WNT2B: variants seen among roughly 807,000 people sequenced by gnomAD.
The protein encoded by WNT2B is Wnt family member 2B.
In WNT2B, 19 loss-of-function variants were observed where a neutral mutation model predicts 40.5. That is an observed-to-expected ratio of 0.47 (90% CI 0.33 to 0.69). The LOEUF (loss-of-function observed/expected upper bound fraction) is 0.69. Among genes scored for constraint, WNT2B ranks in the 30% least tolerant of loss-of-function variants. The probability of loss-of-function intolerance (pLI) is 0.02; values close to 1 mark genes in which losing one functional copy is unlikely to be tolerated. For synonymous variants in WNT2B, 220 were observed against 211.9 expected, an observed-to-expected ratio of 1.04 and a Z score of -0.33; for missense variants, 467 against 556.4, an observed-to-expected ratio of 0.84 and a Z score of 1.62.
intron 1 of WNT2B, among the ~76,000 whole-genome samples, chr1:112,474,191 G>T (rs1475099781): frequency 1.3e-5 from 2 of 152,196 alleles, no homozygotes; most frequent in East Asian, 1.9e-4. Context: ...TGTCGCCCAG[G>T]CTGGAGTGTG....
chr1:112,491,066 AC>A, intron 1 of WNT2B: 3 of 1,614,100 alleles, frequency 1.9e-6, no homozygotes, highest in Non-Finnish European at 1.7e-6. Flanking sequence ...TCAGCGTTCA[AC>A]AAGTGTTTGC....
chr1:112,504,903 A>AG (rs1652066089), upstream of WNT2B, among the ~76,000 whole-genome samples: 1 of 152,158 alleles, frequency 6.6e-6, no homozygotes, highest in South Asian at 2.1e-4. Flanking sequence ...AGGATAGAGC[A>AG]GGGTGGGGTA....
At position 112,517,233 on chromosome 1, in the gene WNT2B, T is replaced by C. The variant is rs764427828; in HGVS notation, c.794T>C (p.Leu265Pro). The C allele has an allele frequency of 6.2e-7, 1 of 1,614,162 alleles. No homozygotes were observed. Among genetic ancestry groups the C allele is most frequent in the Non-Finnish European group, 8.5e-7 (1 of 1,180,034 alleles). Residue 265 changes from leucine (L) to proline (P), a missense_variant, in exon 4 of 5, where the codon CTG becomes CCG. Leu to Pro is a moderately conservative substitution (Grantham distance 98). This residue lies in a region of WNT2B where 330 missense variants were observed against 438.6 expected (regional missense o/e 0.75). Transcript: ENST00000369684. ...GATTTCCGCCGCACAGGTGATTACC[T>C]GCGGCGACGCTATGATGGGGCTGTG... ...LSDFRRTGDY[L>P]RRRYDGAVQV...
chr1:112,499,752 G>T (rs1651889018), intron 1 of WNT2B, among the ~76,000 whole-genome samples: 1 of 152,150 alleles, frequency 6.6e-6, no homozygotes. Context: ...GCTATGCAGG[G>T]GTGAAGGTAT....
rs527708293 is a variant in WNT2B at position 112,516,281 on chromosome 1, A to T, written c.545A>T (p.Asp182Val). Residue 182 changes from aspartate (D) to valine (V), a missense_variant, in exon 3 of 5, where the codon GAC (aspartate) becomes GTC (valine). Asp to Val is a radical substitution (Grantham distance 152, BLOSUM62 -3). Coordinates refer to ENST00000369684, the MANE Select transcript of WNT2B (RefSeq NM_024494.3). ...GGCCGACACCATGACCAGCGTGGGG[A>T]CTTTGACTGGGGTGGCTGCAGTGAC... is the stretch of plus-strand genomic sequence containing the variant. ...TRGRHHDQRG[D>V]FDWGGCSDNI... The T allele has an allele frequency of 5.5e-5, 89 of 1,613,820 alleles. No individual in the cohort carries two copies. The South Asian group carries it at 9.4e-4, about 17-fold the overall frequency.
Position 112,527,337 on chromosome 1 carries a change from CAG to C in WNT2B, c.*6830_*6831del, listed in dbSNP as rs1349590202. The C allele has an allele frequency of 6.6e-6, 1 of 152,504 alleles. No individual in the cohort carries two copies. The highest frequency in any genetic ancestry group is 1.5e-5 in the Non-Finnish European group (1 of 68,100). 9.4% of individuals were successfully genotyped at this position (152,504 alleles called of 1,614,324 possible). Reference sequence around the variant, plus strand: ...ACCTATAGTCAGGACTTCCCCAAGGCAGACTTTATTTTTTGGTCCATCGATCT... The same window carrying C: ...ACCTATAGTCAGGACTTCCCCAAGGCACTTTATTTTTTGGTCCATCGATCT... On this transcript the variant is annotated 3_prime_UTR_variant, in exon 5 of 5. Transcript: ENST00000369684.
In WNT2B at chr1:112,515,731, C is replaced by A. The variant is rs1251283664; in HGVS notation, c.404-409C>A. On this transcript the variant is annotated intron_variant, in intron 2 of 4. Coordinates refer to ENST00000369684, the MANE Select transcript of WNT2B (RefSeq NM_024494.3). The surrounding 1 kb of genome is among the most constrained non-coding windows in gnomAD (Gnocchi z 4.4). Reference sequence around the variant, plus strand: ...AACAGGCTGACCCCTGGGCTGGGGTCTCCATTGTGGGGGAACTGTCCAGCA... The same window carrying A: ...AACAGGCTGACCCCTGGGCTGGGGTATCCATTGTGGGGGAACTGTCCAGCA... Among the ~76,000 whole-genome samples the A allele has an allele frequency of 6.6e-6, 1 of 152,164 alleles. No individual in the cohort carries two copies. The highest frequency in any genetic ancestry group is 2.4e-5 in the African/African-American group (1 of 41,430).
chr1:112,517,299 C>T lies in WNT2B; in HGVS notation c.860C>T (p.Ala287Val). 6.2e-7 allele frequency: 1 copy of T among 1,614,226 alleles called. No homozygotes were observed. The highest frequency in any genetic ancestry group is 8.5e-7 in the Non-Finnish European group (1 of 1,180,018). The change falls in exon 4 of 5, where the codon GCC becomes GTC. Residue 287 changes from alanine to valine, a missense_variant. By Grantham distance (64) the Ala-to-Val change is moderately conservative (BLOSUM62 0). Around this residue, in one of 2 missense-constraint regions of WNT2B, gnomAD observed 330 missense variants for 438.6 expected, o/e 0.75. Coordinates refer to ENST00000369684, the MANE Select transcript of WNT2B (RefSeq NM_024494.3). ...ATQDGANFTA[A>V]RQGYRRATRT... is the part of the protein sequence containing the mutation. Reference sequence around the variant, plus strand: ...CAAGATGGTGCCAACTTCACCGCAGCCCGCCAAGGCTATCGCCGTGCCACC... The same window carrying T: ...CAAGATGGTGCCAACTTCACCGCAGTCCGCCAAGGCTATCGCCGTGCCACC...
rs186672075 is a variant in WNT2B, at chr1:112,497,112, C to A, written c.-94-17762C>A. 1.3e-3 allele frequency among the ~76,000 whole-genome samples: 201 copies of A among 152,328 alleles called. 1 individual carries two copies. The highest frequency in any genetic ancestry group is 4.6e-3 in the African/African-American group (190 of 41,580). On this transcript the variant is annotated intron_variant, in intron 1 of 4. Transcript: ENST00000256640. ...ACTCCCACAGTTTTGCTGGAACCAGCCTACACAGCAGCTCTTATGGGTTGG... is the reference window on the plus strand; with the variant it reads ...ACTCCCACAGTTTTGCTGGAACCAGACTACACAGCAGCTCTTATGGGTTGG...
At chr1:112,500,191 C>G (rs1651905392) in intron 1 of WNT2B, among the ~76,000 whole-genome samples, 1 of 152,156 alleles carries the variant, frequency 6.6e-6, no homozygotes, top group South Asian at 2.1e-4. Context: ...TCATGTTTCC[C>G]TCGTTCTGTC....
chr1:112,494,224 C>T lies in WNT2B; in HGVS notation c.-94-20650C>T, dbSNP rs549323020. The stretch of plus-strand genomic sequence containing the variant: ...ACTCGGGAGGCTGAGGCGGGAGAAT[C>T]GTTTGAACCCGAGAAGCGGAGGTTG... On this transcript the variant is annotated intron_variant, in intron 1 of 4. Coordinates refer to the WNT2B transcript ENST00000256640. Among the ~76,000 whole-genome samples, 20 of 151,316 alleles carry T rather than the reference C, an allele frequency of 1.3e-4. No individual in the cohort carries two copies. The South Asian group carries it at 4.2e-3, about 31-fold the overall frequency.
At chr1:112,469,699 C>T (rs1451035690) in intron 1 of WNT2B, among the ~76,000 whole-genome samples, 1 of 151,970 alleles carries the variant, frequency 6.6e-6, no homozygotes, top group African/African-American at 2.4e-5. Context: ...CTACAACCTC[C>T]GTCTCCCAGG....
chr1:112,509,538 G>A lies in WNT2B; in HGVS notation c.182+94G>A. The A allele has an allele frequency of 7.3e-7, 1 of 1,362,762 alleles. No homozygotes were observed. The highest frequency in any genetic ancestry group is 1.5e-5 in the South Asian group (1 of 65,444). 84.4% of individuals were successfully genotyped at this position (1,362,762 alleles called of 1,614,324 possible). ...TGGCTGCTCACGGGACCAGGCTGTT[G>A]CTTCGACGGGTTGGAGACGATTCGG... On this transcript the variant is annotated intron_variant, in intron 1 of 4. Transcript: ENST00000369684. The surrounding 1 kb of genome is among the most constrained non-coding windows in gnomAD (Gnocchi z 4.2).
chr1:112,467,362 A>T, exon 1 of WNT2B: 2 of 585,782 alleles, frequency 3.4e-6, no homozygotes, highest in Admixed American at 6.7e-5. Context: ...AGGCACATTT[A>T]CCAAGAAGCT....
At chr1:112,491,030 C>T in intron 1 of WNT2B, 1 of 1,614,054 alleles carries the variant, frequency 6.2e-7, no homozygotes, top group Non-Finnish European at 8.5e-7. Flanking sequence ...TCCTTGAGGA[C>T]GGCAGTACCT....
In WNT2B at chr1:112,522,038, TA is replaced by T. The variant is rs1652909493; in HGVS notation, c.*1530del. On this transcript the variant is annotated 3_prime_UTR_variant, in exon 5 of 5. Coordinates refer to ENST00000369684, the MANE Select transcript of WNT2B (RefSeq NM_024494.3). ...ACCTGTTCTTTTTTTTCTTTCTTTT[TA>T]TTTCTTTTAGAGATAGGGTCTCGCT... The T allele has an allele frequency of 6.6e-6, 1 of 152,126 alleles. No homozygotes were observed. The highest frequency in any genetic ancestry group is 2.4e-5 in the African/African-American group (1 of 41,416). The allele number at this position is 152,126 out of a possible 1,614,324, so 9.4% of individuals were successfully genotyped here.
upstream of WNT2B, chr1:112,508,874 C>G: frequency 9.8e-7 from 1 of 1,019,268 alleles, no homozygotes; most frequent in Non-Finnish European, 1.2e-6. This position sits in a 1 kb window ranked among gnomAD's most constrained non-coding sequence, Gnocchi z 4.2. Flanking sequence ...GGGCTTGGCG[C>G]GGGCGGAGCC....
chr1:112,491,613 C>T (rs912924897), intron 1 of WNT2B, among the ~76,000 whole-genome samples: 2 of 152,066 alleles, frequency 1.3e-5, no homozygotes, highest in East Asian at 1.9e-4. Flanking sequence ...GGGCCAGGTG[C>T]GGTGGCTCAT....
upstream of WNT2B, among the ~76,000 whole-genome samples, chr1:112,507,566 G>T (rs1488694952): frequency 6.6e-6 from 1 of 152,082 alleles, no homozygotes; most frequent in African/African-American, 2.4e-5. Context: ...AGAGGTTAAA[G>T]GTTCCTCTGA....
Sources: gnomAD v4.1 joint callset for allele counts (sites outside exome capture counted in the v4.1 genomes callset) on GRCh38, gnomAD v4.1.1 for gene constraint, gnomAD v4.1.1 regional missense constraint, Gnocchi (gnomAD v3.1) non-coding constraint, MANE v1.5 for transcripts, NCBI Gene and HGNC (gene_info 2026-07-23, HGNC 2026-07-21) for gene names.